THADA: variants seen among roughly 807,000 people sequenced by gnomAD.
The protein encoded by THADA is tRNA (32-2'-O)-methyltransferase regulator THADA.
Under a neutral mutation model 219.8 loss-of-function variants are expected in THADA, and 213 were observed. The observed-to-expected ratio is 0.97, with a 90% CI of 0.87 to 1.09. The LOEUF is 1.09. Among genes scored for constraint, THADA ranks in the 50% least tolerant of loss-of-function variants. THADA has a pLI of 0.00. For missense variants in THADA, 2,956 were observed against 2,311.3 expected, an observed-to-expected ratio of 1.28 and a Z score of -5.72; for synonymous variants, 1,018 against 828.9, an observed-to-expected ratio of 1.23 and a Z score of -3.92.
intron 20 of THADA, among the ~76,000 whole-genome samples, chr2:43,545,773 T>C (rs1344655529): frequency 1.3e-5 from 2 of 152,076 alleles, no homozygotes; most frequent in East Asian, 3.9e-4. Flanking sequence ...TTTTCTTCTT[T>C]ATTAGTCTTG....
chr2:43,485,318 T>A lies in THADA; in HGVS notation c.3752A>T (p.Asn1251Ile). Residue 1251 changes from asparagine to isoleucine, a missense_variant, in exon 26 of 38, where the codon AAT becomes ATT. Asn to Ile is a moderately radical substitution (Grantham distance 149). Transcript: ENST00000405975. ...GFTSPVWAVR[N>I]SSTLLFSALI... Reference sequence around the variant, plus strand: ...GGCACTAAAGAGAAGTGTGGATGAATTTCGCACCTAATGTACAAACGAAAA... The same window carrying A: ...GGCACTAAAGAGAAGTGTGGATGAAATTCGCACCTAATGTACAAACGAAAA... 1 of 1,612,290 alleles carries A rather than the reference T, an allele frequency of 6.2e-7. No individual in the cohort carries two copies. Among genetic ancestry groups the A allele is most frequent in the Non-Finnish European group, 8.5e-7 (1 of 1,178,878 alleles).
intron 36 of THADA, among the ~76,000 whole-genome samples, chr2:43,263,146 G>T (rs762682552): frequency 6.6e-6 from 1 of 152,074 alleles, no homozygotes; most frequent in Non-Finnish European, 1.5e-5. Context: ...AATGTGTCAC[G>T]GCACTTCCTG....
At position 43,297,949 on chromosome 2, in the gene THADA, T is replaced by TG. The variant is rs1188967708; in HGVS notation, c.4439-4737dup. On this transcript the variant is annotated intron_variant, in intron 31 of 37. Coordinates refer to ENST00000405975, the MANE Select transcript of THADA (RefSeq NM_022065.5). ...GGCCAGCCGCCATCCGGGAGGGAGG[T>TG]GGGGGGGTCAGCCCCCCGCCCGGCC... Among the ~76,000 whole-genome samples, 11 of 68,708 alleles carry TG rather than the reference T, an allele frequency of 1.6e-4. 1 individual carries two copies. The East Asian group carries it at 1.8e-3, about 11-fold the overall frequency. The allele number at this position is 68,708 out of a possible 152,430, so 45.1% of individuals were successfully genotyped here.
intron 20 of THADA, among the ~76,000 whole-genome samples, chr2:43,544,691 TATAAGA>T (rs1255188498): frequency 6.6e-6 from 1 of 151,442 alleles, no homozygotes; most frequent in Non-Finnish European, 1.5e-5. Flanking sequence ...GTTATTGGTG[TATAAGA>T]ATGCTTGTGA....
chr2:43,374,265 TAA>T (rs1671127105), intron 29 of THADA, among the ~76,000 whole-genome samples: 1 of 152,202 alleles, frequency 6.6e-6, no homozygotes, highest in African/African-American at 2.4e-5. Flanking sequence ...TCTTTACAAA[TAA>T]TACAGCAAAT....
intron 30 of THADA, among the ~76,000 whole-genome samples, chr2:43,334,635 C>T (rs1411121212): frequency 3.9e-5 from 6 of 151,934 alleles, no homozygotes; most frequent in African/African-American, 7.3e-5. Flanking sequence ...ATTAGCCAGG[C>T]GTGGTGGCGG....
At chr2:43,240,287 C>A (rs563167416) in intron 36 of THADA, among the ~76,000 whole-genome samples, 1 of 152,166 alleles carries the variant, frequency 6.6e-6, no homozygotes, top group Non-Finnish European at 1.5e-5. Flanking sequence ...CAGCGTCTGA[C>A]GGAGTGAGTG....
Position 43,384,842 on chromosome 2 carries a change from T to A in THADA, c.4227+13129A>T, listed in dbSNP as rs187194660. 4.3e-3 allele frequency among the ~76,000 whole-genome samples: 659 copies of A among 152,074 alleles called. 8 individuals carry two copies. Among genetic ancestry groups the A allele is most frequent in the African/African-American group, 0.015 (627 of 41,454 alleles). The stretch of plus-strand genomic sequence containing the variant: ...AAATAAATAACTAAATAAACAAACT[T>A]AAAAAACAATTTGGAGGCCAGGTGC... On this transcript the variant is annotated intron_variant, in intron 29 of 37. Transcript: ENST00000405975.
In THADA at chr2:43,571,738, A is replaced by G; in HGVS notation, c.2033T>C (p.Val678Ala). The G allele has an allele frequency of 1.2e-6, 2 of 1,613,366 alleles. No individual in the cohort carries two copies. The change falls in exon 13 of 38, where the codon GTG becomes GCG. Residue 678 changes from valine to alanine, a missense_variant. Physicochemically the swap from Val to Ala is moderately conservative, Grantham distance 64. Coordinates refer to ENST00000405975, the MANE Select transcript of THADA (RefSeq NM_022065.5). Reference sequence around the variant, plus strand: ...AAGAAGAGAACAGATCTGTTGCCGCACTCCTGGAGACTGGCTGTTAAGATT... The same window carrying G: ...AAGAAGAGAACAGATCTGTTGCCGCGCTCCTGGAGACTGGCTGTTAAGATT... ...TYNLNSQSPG[V>A]RQQICSLLKK...
intron 30 of THADA, among the ~76,000 whole-genome samples, chr2:43,342,558 C>A (rs1667176858): frequency 6.6e-6 from 1 of 152,330 alleles, no homozygotes; most frequent in East Asian, 1.9e-4. Context: ...TATGCCGTTA[C>A]CTAAGCCTGG....
intron 29 of THADA, among the ~76,000 whole-genome samples, chr2:43,396,346 T>C (rs955309534): frequency 2.0e-5 from 3 of 152,216 alleles, no homozygotes; most frequent in African/African-American, 7.2e-5. Flanking sequence ...ACAAGTCTGG[T>C]GGCCCTGCTA....
At chr2:43,542,859 A>G (rs562363120) in intron 20 of THADA, among the ~76,000 whole-genome samples, 1 of 152,176 alleles carries the variant, frequency 6.6e-6, no homozygotes, top group East Asian at 1.9e-4. Flanking sequence ...GTCTTCTTTA[A>G]TTTAATTTAA....
At chr2:43,470,253 A>T (rs1684753346) in intron 26 of THADA, among the ~76,000 whole-genome samples, 1 of 151,654 alleles carries the variant, frequency 6.6e-6, no homozygotes, top group Non-Finnish European at 1.5e-5. Flanking sequence ...AAGAAATCTG[A>T]CAATATGTAA....
chr2:43,515,231 ATATAATATATAATATATTATATATAAT>A (rs1691440100), intron 22 of THADA, among the ~76,000 whole-genome samples: 1 of 70,140 alleles, frequency 1.4e-5, no homozygotes. Flanking sequence ...TATATATAAT[ATATAATATATAATATATTATATATAAT>A]ATATAATATA....
intron 17 of THADA, among the ~76,000 whole-genome samples, chr2:43,552,624 G>A (rs1310659318): frequency 6.6e-6 from 1 of 152,016 alleles, no homozygotes; most frequent in Non-Finnish European, 1.5e-5. Flanking sequence ...GATGTGGCAT[G>A]TGCTAATTGG....
At chr2:43,567,685 G>A (rs1698843936) in intron 14 of THADA, among the ~76,000 whole-genome samples, 1 of 152,152 alleles carries the variant, frequency 6.6e-6, no homozygotes, top group African/African-American at 2.4e-5. Flanking sequence ...CATTTATATG[G>A]TTTAATATAG....
chr2:43,566,824 T>C lies in THADA; in HGVS notation c.2188-3A>G, dbSNP rs182904699. On this transcript the variant is annotated splice_polypyrimidine_tract_variant and splice_region_variant and intron_variant, in intron 14 of 37. Transcript: ENST00000405975. ...TTACAAATGGATGACATGAAATTCT[T>C]AAAAAAAAAAAAAAAATTACAGTAA... 8.3e-7 allele frequency: 1 copy of C among 1,204,138 alleles called. No homozygotes were observed. The highest frequency in any genetic ancestry group is 1.6e-5 in the African/African-American group (1 of 61,138). 74.6% of individuals were successfully genotyped at this position (1,204,138 alleles called of 1,614,324 possible).
chr2:43,539,966 T>C (rs897141356), intron 21 of THADA, among the ~76,000 whole-genome samples: 14 of 152,140 alleles, frequency 9.2e-5, no homozygotes, highest in Non-Finnish European at 1.2e-4. Flanking sequence ...AAAAGCAAAA[T>C]ACACTTCCCT....
chr2:43,277,796 T>A (rs1672892442), intron 36 of THADA, among the ~76,000 whole-genome samples: 1 of 152,206 alleles, frequency 6.6e-6, no homozygotes, highest in Non-Finnish European at 1.5e-5. Flanking sequence ...AACGTGTACT[T>A]TTAAGGTAGT....
Sources: allele counts gnomAD v4.1 joint callset (sites outside exome capture counted in the v4.1 genomes callset), GRCh38; gene constraint gnomAD v4.1.1; transcripts MANE v1.5; gene names NCBI Gene and HGNC (gene_info 2026-07-23, HGNC 2026-07-21).